TUSC3: variants seen among roughly 807,000 people sequenced by gnomAD.
The protein encoded by TUSC3 is dolichyl-diphosphooligosaccharide--protein glycosyltransferase subunit TUSC3.
Under a neutral mutation model 44.8 loss-of-function variants are expected in TUSC3, and 45 were observed. The observed-to-expected ratio is 1.00, with a 90% CI of 0.79 to 1.29. TUSC3 has a LOEUF of 1.29. TUSC3 is among the 50% of genes most tolerant of loss of function. TUSC3 has a pLI of 0.00. For missense variants in TUSC3, 519 were observed against 437.9 expected, an observed-to-expected ratio of 1.19 and a Z score of -1.65; for synonymous variants, 212 against 152.9, an observed-to-expected ratio of 1.39 and a Z score of -2.85.
At chr8:15,680,221 G>C (rs568530476) in intron 6 of TUSC3, among the ~76,000 whole-genome samples, 1 of 152,078 alleles carries the variant, frequency 6.6e-6, no homozygotes, top group South Asian at 2.1e-4. Context: ...CATGAGCATG[G>C]GTTGGTTTTC....
At chr8:15,755,879 A>G (rs1285434160) in intron 9 of TUSC3, among the ~76,000 whole-genome samples, 1 of 151,986 alleles carries the variant, frequency 6.6e-6, no homozygotes, top group African/African-American at 2.4e-5. Flanking sequence ...AGGACATCAT[A>G]TTCTTCACAT....
Position 15,738,830 on chromosome 8 carries a change from T to TTTTTTTTCTTTC in TUSC3, c.863-4701_863-4700insCTTTCTTTTTTT, listed in dbSNP as rs1357339744. ...AAATTACTATTAATATATCTTGCTT[T>TTTTTTTTCTTTC]TTTTTTTTTTTTTTTTTTTTGAGAG... is the stretch of plus-strand genomic sequence containing the variant. On this transcript the variant is annotated intron_variant, in intron 7 of 10. Coordinates refer to ENST00000503731, the MANE Select transcript of TUSC3 (RefSeq NM_006765.4). Among the ~76,000 whole-genome samples the TTTTTTTTCTTTC allele has an allele frequency of 5.2e-4, 63 of 121,704 alleles. 2 individuals carry two copies. Among genetic ancestry groups the TTTTTTTTCTTTC allele is most frequent in the South Asian group, 1.1e-3 (4 of 3,602 alleles). 79.8% of individuals were successfully genotyped at this position (121,704 alleles called of 152,430 possible).
chr8:15,812,914 C>T, the TUSC3 span, among the ~76,000 whole-genome samples: 32 of 151,976 alleles, frequency 2.1e-4, no homozygotes, highest in Middle Eastern at 0.01. Context: ...GCCAATATGG[C>T]GAAACCCCAT....
intron 1 of TUSC3, among the ~76,000 whole-genome samples, chr8:15,564,042 C>T (rs549306026): frequency 6.6e-6 from 1 of 152,052 alleles, no homozygotes; most frequent in East Asian, 1.9e-4. Flanking sequence ...AAATGTTTCC[C>T]TCTTCCTCTC....
chr8:15,825,381 G>A, the TUSC3 span, among the ~76,000 whole-genome samples: 52 of 152,252 alleles, frequency 3.4e-4, 1 homozygote, highest in Admixed American at 2.1e-3. Context: ...GCAAGAGGAC[G>A]TGTGCAGGGG....
At chr8:15,701,289 A>T (rs1809394112) in intron 6 of TUSC3, among the ~76,000 whole-genome samples, 1 of 152,104 alleles carries the variant, frequency 6.6e-6, no homozygotes, top group Non-Finnish European at 1.5e-5. Context: ...AGCCACTGTT[A>T]TGATTTTTAT....
intron 2 of TUSC3, among the ~76,000 whole-genome samples, chr8:15,520,010 C>A (rs965168936): frequency 6.6e-6 from 1 of 152,184 alleles, no homozygotes; most frequent in Non-Finnish European, 1.5e-5. Context: ...AAAACTGCCA[C>A]TTCACTGATG....
chr8:15,606,475 ACC>A (rs1281616060), intron 1 of TUSC3, among the ~76,000 whole-genome samples: 1 of 152,026 alleles, frequency 6.6e-6, no homozygotes, highest in African/African-American at 2.4e-5. Context: ...GGTGCCCCTA[ACC>A]TTCCCATTGT....
downstream of TUSC3, among the ~76,000 whole-genome samples, chr8:15,770,284 C>T (rs1812417845): frequency 1.3e-5 from 2 of 152,050 alleles, no homozygotes; most frequent in Admixed American, 1.3e-4. Context: ...AGCTGGAAAC[C>T]ATCCTCAGCA....
intron 1 of TUSC3, among the ~76,000 whole-genome samples, chr8:15,568,182 G>A (rs959657280): frequency 1.3e-5 from 2 of 152,092 alleles, no homozygotes; most frequent in Admixed American, 6.5e-5. Context: ...TGTGCTTTTC[G>A]TTTGTCTCTC....
chr8:15,591,912 T>C (rs965466586), intron 1 of TUSC3, among the ~76,000 whole-genome samples: 2 of 152,200 alleles, frequency 1.3e-5, no homozygotes, highest in Non-Finnish European at 2.9e-5. Flanking sequence ...TGATCTCTTT[T>C]ACATTTTAAA....
upstream of TUSC3, among the ~76,000 whole-genome samples, chr8:15,537,966 A>T (rs1801547978): frequency 6.6e-6 from 1 of 152,234 alleles, no homozygotes; most frequent in Non-Finnish European, 1.5e-5. Context: ...TAAAGCAAAA[A>T]TACGCAAGAG....
intron 2 of TUSC3, among the ~76,000 whole-genome samples, chr8:15,516,363 G>C (rs1241492603): frequency 6.6e-6 from 1 of 152,072 alleles, no homozygotes; most frequent in Non-Finnish European, 1.5e-5. Flanking sequence ...TTATGTACTA[G>C]CTGACTTCTT....
At chr8:15,510,064 C>G (rs1031993332) in intron 2 of TUSC3, among the ~76,000 whole-genome samples, 2 of 151,862 alleles carry the variant, frequency 1.3e-5, no homozygotes, top group African/African-American at 4.8e-5. Context: ...TCCTAGCTCC[C>G]TGGGAGGCTG....
Position 15,577,520 on chromosome 8 carries a change from C to T in TUSC3, c.138+36952C>T, listed in dbSNP as rs1427646968. Among the ~76,000 whole-genome samples, 4 of 150,494 alleles carry T rather than the reference C, an allele frequency of 2.7e-5. No individual in the cohort carries two copies. In the East Asian group the frequency reaches 7.8e-4, roughly 30 times the overall value. ...GTGTAAGGAAGGGATCCAGTTTCAG[C>T]TTTCTACATATGGCTAGCCAGTTTT... On this transcript the variant is annotated intron_variant, in intron 1 of 10. Coordinates refer to ENST00000503731, the MANE Select transcript of TUSC3 (RefSeq NM_006765.4).
At chr8:15,456,659 A>C (rs1465159610) in intron 1 of TUSC3, among the ~76,000 whole-genome samples, 1 of 152,174 alleles carries the variant, frequency 6.6e-6, no homozygotes, top group Non-Finnish European at 1.5e-5. Flanking sequence ...TATTAAATGA[A>C]AATTCAATAA....
rs138956523 is a variant in TUSC3, at chr8:15,474,312, A to G, written n.92-9074A>G. Reference sequence around the variant, plus strand: ...ACAATCAATTTGTACAGTTAACACAATTATCACAGTGGTCCTGAGGTGATG... The same window carrying G: ...ACAATCAATTTGTACAGTTAACACAGTTATCACAGTGGTCCTGAGGTGATG... On this transcript the variant is annotated intron_variant and non_coding_transcript_variant, in intron 1 of 5. Transcript: ENST00000503191. Among the ~76,000 whole-genome samples the G allele has an allele frequency of 1.9e-3, 293 of 152,308 alleles. 2 individuals carry two copies. Among genetic ancestry groups the G allele is most frequent in the African/African-American group, 6.2e-3 (257 of 41,556 alleles).
intron 1 of TUSC3, among the ~76,000 whole-genome samples, chr8:15,436,411 G>A (rs774893669): frequency 7.2e-5 from 11 of 152,244 alleles, no homozygotes; most frequent in East Asian, 1.9e-4. Flanking sequence ...TTTTAGATTC[G>A]ACCAACAGTG....
At chr8:15,712,865 C>A (rs1387894589) in intron 6 of TUSC3, among the ~76,000 whole-genome samples, 2 of 152,046 alleles carry the variant, frequency 1.3e-5, no homozygotes, top group East Asian at 3.9e-4. Flanking sequence ...TATCTGTGTC[C>A]ATTAAGTTTC....
Sources: allele counts gnomAD v4.1 joint callset (sites outside exome capture counted in the v4.1 genomes callset), GRCh38; gene constraint gnomAD v4.1.1; transcripts MANE v1.5; gene names NCBI Gene and HGNC (gene_info 2026-07-23, HGNC 2026-07-21).